The following ZNF274 variants were observed in gnomAD, a reference collection of about 807,000 sequenced individuals.
The protein encoded by ZNF274 is neurotrophin receptor-interacting factor homolog.
ZNF274 carries 23 observed loss-of-function variants against 42.5 expected under a neutral mutation model. The observed-to-expected ratio is 0.54, with a 90% CI of 0.39 to 0.77. The LOEUF is 0.77. ZNF274 is among the 30% of genes least tolerant of loss of function. The probability of loss-of-function intolerance (pLI) is 0.00; values close to 1 mark genes in which losing one functional copy is unlikely to be tolerated. For missense variants in ZNF274, 679 were observed against 806.5 expected (o/e 0.84, Z 1.91); for synonymous variants, 292 against 305.4 (o/e 0.96, Z 0.46).
Position 58,207,947 on chromosome 19 carries a change from A to T in ZNF274, c.739+745A>T, listed in dbSNP as rs2075997083. 6.6e-6 allele frequency among the ~76,000 whole-genome samples: 1 copy of T among 152,148 alleles called. No individual in the cohort carries two copies. Among genetic ancestry groups the T allele is most frequent in the Admixed American group, 6.5e-5 (1 of 15,282 alleles). On this transcript the variant is annotated intron_variant, in intron 5 of 7. Transcript: ENST00000617501. The surrounding 1 kb of genome is among the most constrained non-coding windows in gnomAD (Gnocchi z 5.6). ...ATGTGTGGTGGATGGTGGACAGAGGATGGGGGCGAGGCTGGACACAGGCTA... is the reference window on the plus strand; with the variant it reads ...ATGTGTGGTGGATGGTGGACAGAGGTTGGGGGCGAGGCTGGACACAGGCTA...
At chr19:58,183,898 C>T (rs946596044) in intron 1 of ZNF274, 23 bp from the exon 2 acceptor site, 37 of 1,521,966 alleles carry the variant, frequency 2.4e-5, no homozygotes, top group Non-Finnish European at 2.9e-5. Flanking sequence ...CTCTCCCTCC[C>T]CTCCCAACTT....
chr19:58,201,365 G>A (rs1487924521), intron 4 of ZNF274, among the ~76,000 whole-genome samples: 1 of 151,452 alleles, frequency 6.6e-6, no homozygotes, highest in African/African-American at 2.4e-5. Context: ...CCAGGAGGAT[G>A]GTGCTAAGCC....
chr19:58,186,820 C>G lies in ZNF274; in HGVS notation c.161-127C>G. On this transcript the variant is annotated intron_variant, in intron 3 of 7. Coordinates refer to ENST00000617501, the MANE Select transcript of ZNF274 (RefSeq NM_133502.3). ...CAACAGGGATGGATGGAGTTGTGTT[C>G]ACTGCTCTAGGCCAGAAGTCATGTG... 3 of 741,232 alleles carry G rather than the reference C, an allele frequency of 4.0e-6. No homozygotes were observed. The South Asian group carries it at 5.2e-5, about 13-fold the overall frequency. 45.9% of individuals were successfully genotyped at this position (741,232 alleles called of 1,614,324 possible). A position where few individuals can be genotyped will look rare whatever the true frequency, so the allele number is the denominator to read the frequency against.
chr19:58,183,769 C>T, intron 1 of ZNF274, 152 bp from the exon 2 acceptor site: 1 of 582,510 alleles, frequency 1.7e-6, no homozygotes, highest in South Asian at 2.0e-5. Flanking sequence ...CTATCCAGTC[C>T]TGTGGGAGTC....
At chr19:58,204,964 A>G (rs552107125) in intron 4 of ZNF274, among the ~76,000 whole-genome samples, 106 of 152,292 alleles carry the variant, frequency 7.0e-4, no homozygotes, top group African/African-American at 2.5e-3. Flanking sequence ...GGAGAACCCT[A>G]TTGGCTTGGC....
Position 58,212,010 on chromosome 19 carries a change from C to A in ZNF274, c.980-151C>A. The A allele has an allele frequency of 1.0e-6, 1 of 958,204 alleles. No homozygotes were observed. Among genetic ancestry groups the A allele is most frequent in the Non-Finnish European group, 1.5e-6 (1 of 657,308 alleles). 59.4% of individuals were successfully genotyped at this position (958,204 alleles called of 1,614,324 possible). On this transcript the variant is annotated intron_variant, in intron 7 of 7. Coordinates refer to ENST00000617501, the MANE Select transcript of ZNF274 (RefSeq NM_133502.3). The surrounding 1 kb of genome is among the most constrained non-coding windows in gnomAD (Gnocchi z 4.6). ...GTCAGTGCTCCCCTCCCTGCCGCTT[C>A]ATTGCTTTTCAGTCTCTCTCCAGGT...
chr19:58,190,191 C>T (rs2075763865), intron 4 of ZNF274, among the ~76,000 whole-genome samples: 1 of 150,424 alleles, frequency 6.6e-6, no homozygotes, highest in Non-Finnish European at 1.5e-5. Flanking sequence ...CCCTCTGCCA[C>T]CCAGGCTGTA....
In ZNF274 at chr19:58,212,244, C is replaced by A; in HGVS notation, c.1063C>A (p.Gln355Lys). 1 of 1,613,790 alleles carries A rather than the reference C, an allele frequency of 6.2e-7. No individual in the cohort carries two copies. The change falls in exon 8 of 8, where the codon CAA (glutamine) becomes AAA (lysine). Residue 355 changes from glutamine to lysine, a missense_variant. By Grantham distance (53) the Gln-to-Lys change is moderately conservative. Transcript: ENST00000617501. The surrounding 1 kb of genome is among the most constrained non-coding windows in gnomAD (Gnocchi z 4.6). ...AGAACCAGCCCCCAGCCTGAAAGTA[C>A]AAGAATCCTCAAGGGATTGTGCCTT... ...EEEPAPSLKVQESSRDCALSS... is the reference protein window; with the variant it reads ...EEEPAPSLKVKESSRDCALSS...
At position 58,212,849 on chromosome 19, in the gene ZNF274, T is replaced by G. The variant is rs543155727; in HGVS notation, c.1668T>G (p.Val556=). The part of the protein sequence containing the change: ...QSSSLTQHQR[V]HSGERPFECQ... ...CTTCCCTCACACAGCATCAGAGAGT[T>G]CATTCTGGAGAGAGACCATTTGAAT... is the stretch of plus-strand genomic sequence containing the variant. Residue 556 remains valine (V), a synonymous_variant, in exon 8 of 8, where the codon GTT becomes GTG. Coordinates refer to ENST00000617501, the MANE Select transcript of ZNF274 (RefSeq NM_133502.3). The surrounding 1 kb of genome is among the most constrained non-coding windows in gnomAD (Gnocchi z 4.6). The G allele has an allele frequency of 9.9e-6, 16 of 1,614,010 alleles. No individual in the cohort carries two copies. In the East Asian group the frequency reaches 2.2e-4, roughly 22 times the overall value.
At chr19:58,191,223 T>C (rs572992350) in intron 4 of ZNF274, among the ~76,000 whole-genome samples, 2 of 152,188 alleles carry the variant, frequency 1.3e-5, no homozygotes, top group African/African-American at 4.8e-5. Context: ...CTGTAACCTC[T>C]GCCTCCCAGG....
chr19:58,185,255 C>T (rs909021923), intron 2 of ZNF274, among the ~76,000 whole-genome samples: 1 of 148,588 alleles, frequency 6.7e-6, no homozygotes, highest in African/African-American at 2.5e-5. Flanking sequence ...GAAACCCCAT[C>T]TCTACTAAAA....
At position 58,185,818 on chromosome 19, in the gene ZNF274, A is replaced by G. The variant is rs749404595; in HGVS notation, c.140A>G (p.Tyr47Cys). The G allele has an allele frequency of 2.8e-6, 4 of 1,405,622 alleles. No homozygotes were observed. The highest frequency in any genetic ancestry group is 3.7e-6 in the Non-Finnish European group (4 of 1,069,590). 87.1% of individuals were successfully genotyped at this position (1,405,622 alleles called of 1,614,324 possible). A position where few individuals can be genotyped will look rare whatever the true frequency, so the allele number is the denominator to read the frequency against. ...SLYREVMLEN[Y>C]RNLVSVEHQL... ...TACAGGGAAGTGATGCTGGAGAACT[A>G]CAGGAACCTGGTCTCAGTGGGTAAG... Residue 47 changes from tyrosine (Y) to cysteine (C), a missense_variant, in exon 3 of 8, where the codon TAC (tyrosine) becomes TGC (cysteine). Around this residue, in one of 2 missense-constraint regions of ZNF274, gnomAD observed 223 missense variants for 216.4 expected, o/e 1.03. Transcript: ENST00000617501.
intron 4 of ZNF274, among the ~76,000 whole-genome samples, chr19:58,203,594 A>AG (rs2075942865): frequency 6.6e-6 from 1 of 151,842 alleles, no homozygotes; most frequent in African/African-American, 2.4e-5. Flanking sequence ...AAAAAAAAAA[A>AG]AAGAAAAAAA....
At chr19:58,188,659 TGTG>T (rs2075734478) in intron 4 of ZNF274, among the ~76,000 whole-genome samples, 1 of 31,776 alleles carries the variant, frequency 3.1e-5, no homozygotes, top group Non-Finnish European at 5.4e-5. Flanking sequence ...AAAAAATAGA[TGTG>T]TGTGTGTGTG....
At position 58,192,515 on chromosome 19, in the gene ZNF274, G is replaced by A. The variant is rs536656027; in HGVS notation, c.256+5473G>A. Among the ~76,000 whole-genome samples the A allele has an allele frequency of 4.7e-4, 72 of 152,310 alleles. 2 individuals carry two copies. The highest frequency in any genetic ancestry group is 3.4e-3 in the Middle Eastern group (1 of 294). The stretch of plus-strand genomic sequence containing the variant: ...GCGTCTAACATATTTCATACGTAAA[G>A]TCGGACCTCCTGCACATAACAAAAT... On this transcript the variant is annotated intron_variant, in intron 4 of 7. Coordinates refer to ENST00000617501, the MANE Select transcript of ZNF274 (RefSeq NM_133502.3).
chr19:58,202,035 G>T (rs1299422051), intron 4 of ZNF274, among the ~76,000 whole-genome samples: 1 of 152,152 alleles, frequency 6.6e-6, no homozygotes, highest in Non-Finnish European at 1.5e-5. Context: ...AGGGAGCTTA[G>T]GGGCACTGAG....
At chr19:58,210,214 T>G in intron 6 of ZNF274, 141 bp downstream of exon 6, 2 of 618,246 alleles carry the variant, frequency 3.2e-6, no homozygotes. Flanking sequence ...CTTAGGTCTG[T>G]GCTGAAGCAA....
chr19:58,213,086 T>G lies in ZNF274; in HGVS notation c.1905T>G (p.Ile635Met). 1 of 1,614,032 alleles carries G rather than the reference T, an allele frequency of 6.2e-7. No individual in the cohort carries two copies. Among genetic ancestry groups the G allele is most frequent in the East Asian group, 2.2e-5 (1 of 44,878 alleles). Residue 635 changes from isoleucine (I) to methionine (M), a missense_variant, in exon 8 of 8, where the codon ATT becomes ATG. Physicochemically the swap from Ile to Met is conservative, Grantham distance 10 (BLOSUM62 1). Transcript: ENST00000617501. ...GKAFTQSSHL[I>M]GHQRTHNRTK... The stretch of plus-strand genomic sequence containing the variant: ...CCTTCACCCAGAGCTCACACCTTAT[T>G]GGGCACCAGAGAACCCACAATAGGA...
intron 4 of ZNF274, among the ~76,000 whole-genome samples, chr19:58,189,148 C>A (rs2075748714): frequency 6.6e-6 from 1 of 151,876 alleles, no homozygotes; most frequent in Admixed American, 6.6e-5. Context: ...TGTGGGAATT[C>A]TCTATGTTCT....
Sources: gnomAD v4.1 joint callset for allele counts (sites outside exome capture counted in the v4.1 genomes callset) on GRCh38, gnomAD v4.1.1 for gene constraint, gnomAD v4.1.1 regional missense constraint, Gnocchi (gnomAD v3.1) non-coding constraint, MANE v1.5 for transcripts, NCBI Gene and HGNC (gene_info 2026-07-23, HGNC 2026-07-21) for gene names.